The following KAT6B variants were observed in gnomAD, a reference collection of about 807,000 sequenced individuals.
The protein encoded by KAT6B is histone acetyltransferase KAT6B.
KAT6B carries 10 observed loss-of-function variants against 187.5 expected under a neutral mutation model. That is an observed-to-expected ratio of 0.05 (90% confidence interval 0.03 to 0.09). The LOEUF is 0.09. Ranked by LOEUF, KAT6B falls within the 10% of genes least tolerant of loss-of-function variation. The pLI, the probability that KAT6B is intolerant of heterozygous loss-of-function variation, is 1.00. For synonymous variants in KAT6B, 861 were observed against 926.8 expected (o/e 0.93, Z 1.29); for missense variants, 1,952 against 2,558.9 (o/e 0.76, Z 5.12).
intron 3 of KAT6B, among the ~76,000 whole-genome samples, chr10:74,858,677 AG>A (rs1356724771): frequency 2.0e-5 from 3 of 152,092 alleles, no homozygotes; most frequent in Non-Finnish European, 4.4e-5. Context: ...TTATCAAGAT[AG>A]GCTCTTTGGC....
intron 3 of KAT6B, among the ~76,000 whole-genome samples, chr10:74,952,015 A>T (rs1840351608): frequency 6.6e-6 from 1 of 152,198 alleles, no homozygotes. Flanking sequence ...CAAATAAATG[A>T]TATGCAATAT....
intron 10 of KAT6B, among the ~76,000 whole-genome samples, 183 bp downstream of exon 10, chr10:74,979,522 A>G (rs758379685): frequency 6.6e-6 from 1 of 151,996 alleles, no homozygotes; most frequent in Non-Finnish European, 1.5e-5. Flanking sequence ...GTTCTCGGTA[A>G]ATTCCTTATG....
chr10:74,959,022 G>A (rs1840890768), intron 3 of KAT6B, among the ~76,000 whole-genome samples: 1 of 144,326 alleles, frequency 6.9e-6, no homozygotes, highest in African/African-American at 2.8e-5. Flanking sequence ...TGGCGACAGA[G>A]TGAGACTCTG....
At chr10:74,989,979 A>AAG (rs1294330004) in intron 13 of KAT6B, among the ~76,000 whole-genome samples, 1 of 151,968 alleles carries the variant, frequency 6.6e-6, no homozygotes, top group Non-Finnish European at 1.5e-5. Flanking sequence ...GGTGGGTCAC[A>AAG]AGATCAAGAG....
chr10:74,969,828 T>C, intron 5 of KAT6B, 53 bp downstream of exon 5: 1 of 1,323,656 alleles, frequency 7.6e-7, no homozygotes, highest in South Asian at 1.2e-5. Context: ...TTTCCAGTGT[T>C]AAGGTGTTTT....
At chr10:74,926,848 C>T (rs955368063) in intron 3 of KAT6B, among the ~76,000 whole-genome samples, 3 of 152,184 alleles carry the variant, frequency 2.0e-5, no homozygotes, top group Admixed American at 6.5e-5. Flanking sequence ...TTCTGGCTTT[C>T]CCAGGAAACA....
In KAT6B at chr10:75,028,528, G is replaced by A. The variant is rs759522596; in HGVS notation, c.3704G>A (p.Ser1235Asn). ...GATTCAAGTAACTTGAAAGAAGGCA[G>A]TAAAGACAATCCCGAACCTCTAAAG... The part of the protein sequence containing the change: ...NDDSSNLKEG[S>N]KDNPEPLKCK... The change falls in exon 18 of 18, where the codon AGT becomes AAT. Residue 1235 changes from serine (S) to asparagine (N), a missense_variant. Ser to Asn is a conservative substitution (Grantham distance 46). Around this residue, in one of 9 missense-constraint regions of KAT6B, gnomAD observed 758 missense variants for 891.4 expected, o/e 0.85. Transcript: ENST00000287239. 6.2e-7 allele frequency: 1 copy of A among 1,614,174 alleles called. No individual in the cohort carries two copies. Among genetic ancestry groups the A allele is most frequent in the South Asian group, 1.1e-5 (1 of 91,086 alleles).
At position 75,021,922 on chromosome 10, in the gene KAT6B, G is replaced by A; in HGVS notation, c.3063G>A (p.Glu1021=). ...LMEQASCWEK[E]EQEILSTRAN... is the part of the protein sequence containing the mutation. ...AACAAGCTAGCTGCTGGGAGAAGGAGGAACAAGAAATCCTGTCAACTAGAG... is the reference window on the plus strand; with the variant it reads ...AACAAGCTAGCTGCTGGGAGAAGGAAGAACAAGAAATCCTGTCAACTAGAG... The change falls in exon 16 of 18, where the codon GAG becomes GAA. Residue 1021 remains glutamate (E), a synonymous_variant. Transcript: ENST00000287239. 1 of 1,614,188 alleles carries A rather than the reference G, an allele frequency of 6.2e-7. No individual in the cohort carries two copies. The highest frequency in any genetic ancestry group is 8.5e-7 in the Non-Finnish European group (1 of 1,180,038).
chr10:74,977,558 C>A, intron 9 of KAT6B, 121 bp downstream of exon 9: 2 of 1,217,900 alleles, frequency 1.6e-6, no homozygotes, highest in Non-Finnish European at 2.4e-6. Context: ...ATTCTTTAGC[C>A]GTTATCATGC....
chr10:74,871,084 G>A (rs1843911229), intron 3 of KAT6B, among the ~76,000 whole-genome samples: 1 of 146,150 alleles, frequency 6.8e-6, no homozygotes, highest in Non-Finnish European at 1.5e-5. Flanking sequence ...GTTCCACCAT[G>A]TTGGCCGGGC....
chr10:74,883,019 G>A (rs1007529056), intron 3 of KAT6B, among the ~76,000 whole-genome samples: 7 of 152,152 alleles, frequency 4.6e-5, no homozygotes, highest in African/African-American at 1.7e-4. Flanking sequence ...CTCATCATTT[G>A]TATGCTCTTG....
chr10:75,011,597 A>G (rs1454246346), intron 13 of KAT6B, among the ~76,000 whole-genome samples: 2 of 152,212 alleles, frequency 1.3e-5, no homozygotes, highest in South Asian at 2.1e-4. Flanking sequence ...GGCATAAATG[A>G]TACTGACAGA....
intron 3 of KAT6B, among the ~76,000 whole-genome samples, chr10:74,884,266 A>G (rs1305481126): frequency 1.3e-5 from 2 of 152,224 alleles, no homozygotes; most frequent in Admixed American, 6.5e-5. Context: ...GGTTATGTTA[A>G]AATTACTTTC....
intron 3 of KAT6B, among the ~76,000 whole-genome samples, chr10:74,891,140 G>C (rs1350159741): frequency 6.6e-6 from 1 of 152,230 alleles, no homozygotes; most frequent in Admixed American, 6.5e-5. Context: ...CTTTGCTATA[G>C]TGCAATTTGG....
chr10:74,927,745 T>C (rs1383767755), intron 3 of KAT6B, among the ~76,000 whole-genome samples: 2 of 152,168 alleles, frequency 1.3e-5, no homozygotes, highest in Non-Finnish European at 2.9e-5. Context: ...ACCGCTGCAG[T>C]AGGGTCAGGA....
At chr10:74,959,015 C>T (rs1039163140) in intron 3 of KAT6B, among the ~76,000 whole-genome samples, 1 of 148,264 alleles carries the variant, frequency 6.7e-6, no homozygotes, top group Non-Finnish European at 1.5e-5. Flanking sequence ...TCCAGGCTGG[C>T]GACAGAGTGA....
At chr10:74,871,484 T>C (rs1843968871) in intron 3 of KAT6B, among the ~76,000 whole-genome samples, 1 of 152,148 alleles carries the variant, frequency 6.6e-6, no homozygotes, top group Non-Finnish European at 1.5e-5. Flanking sequence ...TGAGCCACCA[T>C]GCCTAGCCCT....
intron 3 of KAT6B, among the ~76,000 whole-genome samples, chr10:74,903,313 T>A (rs1846530294): frequency 6.6e-6 from 1 of 152,196 alleles, no homozygotes; most frequent in African/African-American, 2.4e-5. Context: ...TCACCCATGA[T>A]TCTACTACCT....
intron 3 of KAT6B, among the ~76,000 whole-genome samples, chr10:74,909,857 C>G (rs1363589182): frequency 6.6e-6 from 1 of 151,966 alleles, no homozygotes; most frequent in Non-Finnish European, 1.5e-5. Flanking sequence ...TTTCCATGCC[C>G]CACCCCAAAC....
Sources: gnomAD v4.1 joint callset for allele counts (sites outside exome capture counted in the v4.1 genomes callset) on GRCh38, gnomAD v4.1.1 for gene constraint, gnomAD v4.1.1 regional missense constraint, MANE v1.5 for transcripts, NCBI Gene and HGNC (gene_info 2026-07-23, HGNC 2026-07-21) for gene names.